Variants in CHD7 observed in about 807,000 individuals in gnomAD.
The protein encoded by CHD7 is ATP-dependent chromatin remodeler CHD7.
A neutral mutation model predicts 307.3 loss-of-function variants in CHD7; 24 were observed. The ratio of observed to expected loss-of-function variants is 0.08; its 90% CI spans 0.06 to 0.11. CHD7 has a LOEUF of 0.11. CHD7 is among the 10% of genes least tolerant of loss of function. The pLI is 1.00. For missense variants in CHD7, 3,106 were observed against 3,727.1 expected, an observed-to-expected ratio of 0.83 and a Z score of 4.34; for synonymous variants, 1,363 against 1,349.9, an observed-to-expected ratio of 1.01 and a Z score of -0.21.
At chr8:60,698,770 TTCTTC>T (rs1364005459) in intron 1 of CHD7, among the ~76,000 whole-genome samples, 2 of 152,190 alleles carry the variant, frequency 1.3e-5, no homozygotes, top group East Asian at 1.9e-4. Flanking sequence ...GACTTGACTT[TTCTTC>T]TCTTCTCTTT....
At position 60,812,898 on chromosome 8, in the gene CHD7, G is replaced by T. The variant is rs1268109034; in HGVS notation, c.2499-3489G>T. On this transcript the variant is annotated intron_variant, in intron 7 of 37. Coordinates refer to ENST00000423902, the MANE Select transcript of CHD7 (RefSeq NM_017780.4). ...TCCCTAGTAGCTTTTCTGTTTTATT[G>T]TTTTCCGGGATATTCTTGCATGTTT... 1.3e-5 allele frequency among the ~76,000 whole-genome samples: 2 copies of T among 151,704 alleles called. 1 individual carries two copies. The highest frequency in any genetic ancestry group is 2.9e-5 in the Non-Finnish European group (2 of 67,910).
At chr8:60,689,750 C>T (rs758223346) in intron 1 of CHD7, among the ~76,000 whole-genome samples, 1 of 152,236 alleles carries the variant, frequency 6.6e-6, no homozygotes. Flanking sequence ...CAATGGCAGA[C>T]ATTTTCAACC....
intron 1 of CHD7, among the ~76,000 whole-genome samples, chr8:60,727,485 T>C (rs1787253481): frequency 6.6e-6 from 1 of 152,186 alleles, no homozygotes; most frequent in Admixed American, 6.5e-5. Flanking sequence ...AGAGTTAATA[T>C]CCAACTTGTT....
chr8:60,856,318 C>T, intron 33 of CHD7, 116 bp downstream of exon 33: 1 of 1,240,902 alleles, frequency 8.1e-7, no homozygotes, highest in Non-Finnish European at 1.1e-6. Context: ...GCTGTTTCCT[C>T]AGCTCTGTGC....
chr8:60,719,744 T>C (rs959105450), intron 1 of CHD7, among the ~76,000 whole-genome samples: 1 of 152,148 alleles, frequency 6.6e-6, no homozygotes, highest in Non-Finnish European at 1.5e-5. Flanking sequence ...AGAGAGTCCA[T>C]TGTGAGATGA....
intron 1 of CHD7, among the ~76,000 whole-genome samples, chr8:60,738,811 G>C (rs1586242674): frequency 6.6e-6 from 1 of 152,088 alleles, no homozygotes; most frequent in East Asian, 1.9e-4. Flanking sequence ...GGTTGTAGTT[G>C]TGCCGAGCGA....
intron 2 of CHD7, among the ~76,000 whole-genome samples, chr8:60,754,485 A>G (rs1263310827): frequency 1.3e-5 from 2 of 152,000 alleles, no homozygotes; most frequent in Non-Finnish European, 2.9e-5. Context: ...TTCTTTTTTT[A>G]CCTTCTACTC....
chr8:60,850,997 A>G lies in CHD7; in HGVS notation c.5535-35A>G, dbSNP rs763002104. 1.0e-5 allele frequency: 15 copies of G among 1,436,762 alleles called. No homozygotes were observed. In the Admixed American group the frequency reaches 2.9e-4, roughly 28 times the overall value. The allele number at this position is 1,436,762 out of a possible 1,614,324, so 89.0% of individuals were successfully genotyped here. Reference sequence around the variant, plus strand: ...CCCCTTCCTTCTTTTGCTTATCAGTATGATTCAAATAATTTTTGTGTTTGT... The same window carrying G: ...CCCCTTCCTTCTTTTGCTTATCAGTGTGATTCAAATAATTTTTGTGTTTGT... On this transcript the variant is annotated intron_variant, in intron 26 of 37. Coordinates refer to ENST00000423902, the MANE Select transcript of CHD7 (RefSeq NM_017780.4).
chr8:60,778,599 A>G (rs1232634177), intron 2 of CHD7, among the ~76,000 whole-genome samples: 1 of 152,230 alleles, frequency 6.6e-6, no homozygotes, highest in East Asian at 1.9e-4. Flanking sequence ...GATTAAAGAA[A>G]GGTAAACATA....
intron 1 of CHD7, among the ~76,000 whole-genome samples, chr8:60,716,162 C>T (rs967443640): frequency 1.3e-5 from 2 of 152,238 alleles, no homozygotes; most frequent in Non-Finnish European, 2.9e-5. Flanking sequence ...TTCTACCACC[C>T]GGGTCCAAGT....
intron 2 of CHD7, among the ~76,000 whole-genome samples, chr8:60,773,521 G>A (rs971692969): frequency 2.0e-5 from 3 of 151,982 alleles, no homozygotes; most frequent in African/African-American, 7.3e-5. Flanking sequence ...TAGATAAACA[G>A]GCTGTTTCAA....
Position 60,818,808 on chromosome 8 carries a change from T to C in CHD7, c.2614-1199T>C, listed in dbSNP as rs1017169961. ...TCAAGGGATAAGAATGGTGTCTAAG[T>C]GACTTCTAGTTTACCTTTTGCAAAA... is the stretch of plus-strand genomic sequence containing the variant. On this transcript the variant is annotated intron_variant, in intron 8 of 37. Coordinates refer to ENST00000423902, the MANE Select transcript of CHD7 (RefSeq NM_017780.4). Among the ~76,000 whole-genome samples, 6 of 152,246 alleles carry C rather than the reference T, an allele frequency of 3.9e-5. No homozygotes were observed. The South Asian group carries it at 1.2e-3, about 31-fold the overall frequency.
chr8:60,862,424 G>T, intron 36 of CHD7, 88 bp downstream of exon 36: 7 of 1,502,678 alleles, frequency 4.7e-6, no homozygotes, highest in Non-Finnish European at 6.3e-6. Context: ...TAGGGGAAAA[G>T]AATCCTGTCT....
intron 1 of CHD7, among the ~76,000 whole-genome samples, chr8:60,730,632 G>A (rs986431049): frequency 3.9e-5 from 6 of 152,100 alleles, no homozygotes; most frequent in Non-Finnish European, 8.8e-5. Flanking sequence ...AGGCCGAGGC[G>A]GGTGGATCAC....
rs764110898 is a variant in CHD7, at chr8:60,856,612, A to G, written c.7332A>G (p.Leu2444=). The change falls in exon 34 of 38, where the codon TTA becomes TTG. Residue 2444 remains leucine, a synonymous_variant. Coordinates refer to ENST00000423902, the MANE Select transcript of CHD7 (RefSeq NM_017780.4). Reference sequence around the variant, plus strand: ...ATGGACAAGAAAAAGTTGTAGATTTATCAAAGGCCTCAAGAGAGGCAACAA... The same window carrying G: ...ATGGACAAGAAAAAGTTGTAGATTTGTCAAAGGCCTCAAGAGAGGCAACAA... ...SENGQEKVVD[L]SKASREATSS... 3.9e-5 allele frequency: 63 copies of G among 1,613,946 alleles called. No individual in the cohort carries two copies. Among genetic ancestry groups the G allele is most frequent in the Non-Finnish European group, 5.3e-5 (62 of 1,179,904 alleles).
intron 2 of CHD7, among the ~76,000 whole-genome samples, chr8:60,744,478 ATTTTTTTTTTT>A (rs569101482): frequency 3.1e-4 from 21 of 66,686 alleles, no homozygotes; most frequent in Admixed American, 1.4e-3. Flanking sequence ...TCAGAGCAGC[ATTTTTTTTTTT>A]TTTTTTTTTT....
chr8:60,783,781 C>G (rs942162444), intron 3 of CHD7, among the ~76,000 whole-genome samples: 3 of 151,670 alleles, frequency 2.0e-5, no homozygotes, highest in South Asian at 2.1e-4. Context: ...CTGGGGGGGG[C>G]GGGGCACAAA....
At chr8:60,857,634 G>A (rs1015011682) in intron 34 of CHD7, among the ~76,000 whole-genome samples, 2 of 152,102 alleles carry the variant, frequency 1.3e-5, no homozygotes, top group East Asian at 3.9e-4. Context: ...GGAACTCCTT[G>A]TCTGTGTTGT....
chr8:60,838,805 G>A (rs1401971093), intron 19 of CHD7, among the ~76,000 whole-genome samples: 5 of 152,094 alleles, frequency 3.3e-5, no homozygotes, highest in Non-Finnish European at 7.3e-5. Flanking sequence ...CTCTGGCCAG[G>A]GTCACCACTG....
Sources: allele counts gnomAD v4.1 joint callset (sites outside exome capture counted in the v4.1 genomes callset), GRCh38; gene constraint gnomAD v4.1.1; transcripts MANE v1.5; gene names NCBI Gene and HGNC (gene_info 2026-07-23, HGNC 2026-07-21).